ZNF304: variants seen among roughly 807,000 people sequenced by gnomAD.
ZNF304 encodes the protein zinc finger protein 304, also known as KRAB-containing zinc finger protein.
In ZNF304, 7 loss-of-function variants were observed where a neutral mutation model predicts 7.8. The observed-to-expected ratio is 0.90, with a 90% CI of 0.51 to 1.69. ZNF304 has a LOEUF of 1.69. ZNF304 is among the 40% of genes most tolerant of loss of function. The pLI is 0.00. For missense variants in ZNF304, 669 were observed against 804.8 expected (o/e 0.83, Z 2.04); for synonymous variants, 280 against 272.4 (o/e 1.03, Z -0.27).
chr19:57,351,699 T>C lies in ZNF304; in HGVS notation c.33+2T>C. The C allele has an allele frequency of 6.2e-7, 1 of 1,611,556 alleles. No homozygotes were observed. Among genetic ancestry groups the C allele is most frequent in the Non-Finnish European group, 8.5e-7 (1 of 1,178,776 alleles). On this transcript the variant is annotated splice_donor_variant, in intron 1 of 2. Coordinates refer to ENST00000282286, the MANE Select transcript of ZNF304 (RefSeq NM_020657.4). LOFTEE classifies it high-confidence loss of function. This position sits in a 1 kb window ranked among gnomAD's most constrained non-coding sequence, Gnocchi z 4.1. ...GCGGTGCTGATGGACCGGGTTCAGG[T>C]GAGTGGGGGCATCCCTCAAGCGCAC...
rs969323921 is a variant in ZNF304 at position 57,358,070 on chromosome 19, C to T, written c.*221C>T. On this transcript the variant is annotated 3_prime_UTR_variant, in exon 3 of 3. Transcript: ENST00000282286. ...TCATGAGGTGTGTTGCACTTTGTAA[C>T]TGTCTAGAGCTCTTGATGGAATTAT... is the stretch of plus-strand genomic sequence containing the variant. The T allele has an allele frequency of 3.0e-5, 16 of 532,470 alleles. No homozygotes were observed. The highest frequency in any genetic ancestry group is 5.2e-5 in the Non-Finnish European group (16 of 309,038). 33.0% of individuals were successfully genotyped at this position (532,470 alleles called of 1,614,324 possible).
intron 2 of ZNF304, chr19:57,355,240 G>T: frequency 2.6e-6 from 2 of 764,178 alleles, no homozygotes; most frequent in East Asian, 2.4e-5. Flanking sequence ...GTCTACCTGC[G>T]CCACTCACCT....
At position 57,358,113 on chromosome 19, in the gene ZNF304, T is replaced by C. The variant is rs1327215673; in HGVS notation, c.*264T>C. ...GGAATTATATCACTGCCAGTGCCTGTGGCGGAAGCCATCTTATTGCTACCA... is the reference window on the plus strand; with the variant it reads ...GGAATTATATCACTGCCAGTGCCTGCGGCGGAAGCCATCTTATTGCTACCA... On this transcript the variant is annotated 3_prime_UTR_variant, in exon 3 of 3. Transcript: ENST00000282286. 3.6e-5 allele frequency: 15 copies of C among 415,852 alleles called. No homozygotes were observed. In the East Asian group the frequency reaches 5.5e-4, roughly 15 times the overall value. The allele number at this position is 415,852 out of a possible 1,614,324, so 25.8% of individuals were successfully genotyped here. A position where few individuals can be genotyped will look rare whatever the true frequency, so the allele number is the denominator to read the frequency against.
At chr19:57,352,748 G>A (rs890443888) in intron 1 of ZNF304, 5 of 152,380 alleles carry the variant, frequency 3.3e-5, no homozygotes, top group African/African-American at 1.2e-4. Flanking sequence ...GAGAGAAGTT[G>A]GTAAATTTTC....
rs971734562 is a variant in ZNF304, at chr19:57,357,972, C to G, written c.*123C>G. 7.2e-6 allele frequency: 9 copies of G among 1,244,948 alleles called. No individual in the cohort carries two copies. Among genetic ancestry groups the G allele is most frequent in the Non-Finnish European group, 8.9e-6 (8 of 901,054 alleles). 77.1% of individuals were successfully genotyped at this position (1,244,948 alleles called of 1,614,324 possible). On this transcript the variant is annotated 3_prime_UTR_variant, in exon 3 of 3. Transcript: ENST00000282286. The stretch of plus-strand genomic sequence containing the variant: ...GTACCCTTTGTGAGGGAACCATCAG[C>G]TAGCAGATGAGCACCGTATATTCAT...
chr19:57,357,511 T>C lies in ZNF304; in HGVS notation c.1642T>C (p.Leu548=), dbSNP rs34411126. 224,236 of 1,604,942 alleles carry C rather than the reference T, an allele frequency of 0.14. 16,164 individuals are homozygous for C. The highest frequency in any genetic ancestry group is 0.21 in the African/African-American group (14,933 of 72,396). The change falls in exon 3 of 3, where the codon TTG becomes CTG. Residue 548 remains leucine, a synonymous_variant. Transcript: ENST00000282286. ...KCFSHNSSLI[L]HQRVHTGARP... is the part of the protein sequence containing the mutation. The stretch of plus-strand genomic sequence containing the variant: ...CTTTAGCCACAACTCCAGCCTCATT[T>C]TGCACCAGAGAGTTCACACAGGAGC...
In ZNF304 at chr19:57,359,316, A is replaced by T. The variant is rs1389181107; in HGVS notation, c.*1467A>T. 9 of 152,220 alleles carry T rather than the reference A, an allele frequency of 5.9e-5. No individual in the cohort carries two copies. In the East Asian group the frequency reaches 1.7e-3, roughly 29 times the overall value. The allele number at this position is 152,220 out of a possible 1,614,324, so 9.4% of individuals were successfully genotyped here. On this transcript the variant is annotated 3_prime_UTR_variant, in exon 3 of 3. Transcript: ENST00000282286. ...TCATTGCTTACCAATTTTTACCAAC[A>T]TTGAGGCAGGGCTCACTCTCCTAAA...
At chr19:57,352,396 C>T (rs561984127) in intron 1 of ZNF304, among the ~76,000 whole-genome samples, 20 of 152,282 alleles carry the variant, frequency 1.3e-4, no homozygotes, top group Admixed American at 6.5e-4. Context: ...AAGTCCCCAC[C>T]TGGCGACCAA....
intron 2 of ZNF304, chr19:57,355,393 G>C (rs2088322261): frequency 1.3e-6 from 1 of 764,280 alleles, no homozygotes; most frequent in Non-Finnish European, 2.4e-6. Context: ...TGGCCCTGCT[G>C]AATGGGAGCT....
intron 2 of ZNF304, among the ~76,000 whole-genome samples, chr19:57,355,618 C>T (rs1266459525): frequency 6.6e-6 from 1 of 152,204 alleles, no homozygotes; most frequent in Non-Finnish European, 1.5e-5. Context: ...CTCTCTTCAA[C>T]ACTAGCTTAC....
chr19:57,354,075 C>T (rs1183333549), intron 2 of ZNF304, among the ~76,000 whole-genome samples: 5 of 151,884 alleles, frequency 3.3e-5, no homozygotes, highest in Non-Finnish European at 5.9e-5. Flanking sequence ...GTGTTGTGAT[C>T]ATGGTTCACT....
Position 57,357,911 on chromosome 19 carries a change from T to G in ZNF304, c.*62T>G. 4 of 1,533,580 alleles carry G rather than the reference T, an allele frequency of 2.6e-6. No homozygotes were observed. The highest frequency in any genetic ancestry group is 3.5e-6 in the Non-Finnish European group (4 of 1,144,884). The allele number at this position is 1,533,580 out of a possible 1,614,324, so 95.0% of individuals were successfully genotyped here. Reference sequence around the variant, plus strand: ...TGCAGAAAATATGTCATCTTGTTCATCCTCATAGGACTCACACCAGAGCAA... The same window carrying G: ...TGCAGAAAATATGTCATCTTGTTCAGCCTCATAGGACTCACACCAGAGCAA... On this transcript the variant is annotated 3_prime_UTR_variant, in exon 3 of 3. Transcript: ENST00000282286.
At position 57,351,757 on chromosome 19, in the gene ZNF304, C is replaced by A; in HGVS notation, c.33+60C>A. ...TGGTTGGTGTGTCCTGGGATGTTCG[C>A]TCTCATCGCGCACTTCAGGGTGCTC... On this transcript the variant is annotated intron_variant, in intron 1 of 2. Coordinates refer to ENST00000282286, the MANE Select transcript of ZNF304 (RefSeq NM_020657.4). The surrounding 1 kb of genome is among the most constrained non-coding windows in gnomAD (Gnocchi z 4.1). The A allele has an allele frequency of 6.5e-7, 1 of 1,545,840 alleles. No individual in the cohort carries two copies. The highest frequency in any genetic ancestry group is 8.8e-7 in the Non-Finnish European group (1 of 1,138,962).
At chr19:57,354,342 A>G (rs1196754870) in intron 2 of ZNF304, among the ~76,000 whole-genome samples, 1 of 152,172 alleles carries the variant, frequency 6.6e-6, no homozygotes, top group Non-Finnish European at 1.5e-5. Context: ...TTTGGCTCTC[A>G]TGAAGTTTTA....
Position 57,357,213 on chromosome 19 carries a change from G to A in ZNF304, c.1344G>A (p.Val448=). ...RRVHTGARSY[V]CSKCGKAFGC... ...TCCACACAGGAGCAAGATCCTACGT[G>A]TGCAGCAAATGTGGGAAGGCCTTTG... Residue 448 remains valine, a synonymous_variant, in exon 3 of 3, where the codon GTG becomes GTA. Transcript: ENST00000282286. The A allele has an allele frequency of 6.2e-7, 1 of 1,613,848 alleles. No homozygotes were observed. The highest frequency in any genetic ancestry group is 2.2e-5 in the East Asian group (1 of 44,838).
chr19:57,355,345 A>G (rs1273220997), intron 2 of ZNF304: 1 of 765,378 alleles, frequency 1.3e-6, no homozygotes, highest in African/African-American at 1.7e-5. Context: ...CAGGGCAGAC[A>G]TCACTGCAGC....
In ZNF304 at chr19:57,351,649, T is replaced by G; in HGVS notation, c.-16T>G. On this transcript the variant is annotated 5_prime_UTR_variant, in exon 1 of 3. Transcript: ENST00000282286. The surrounding 1 kb of genome is among the most constrained non-coding windows in gnomAD (Gnocchi z 4.1). ...TCGGCTGAGCCCACAGGGCACAGAC[T>G]GTTCATCCGCTTCTCATGGCAGCGG... 1 of 1,613,436 alleles carries G rather than the reference T, an allele frequency of 6.2e-7. No homozygotes were observed. The highest frequency in any genetic ancestry group is 2.2e-5 in the East Asian group (1 of 44,824).
rs776204954 is a variant in ZNF304, at chr19:57,356,633, C to T, written c.764C>T (p.Pro255Leu). Residue 255 changes from proline to leucine, a missense_variant, in exon 3 of 3, where the codon CCA becomes CTA. Physicochemically the swap from Pro to Leu is moderately conservative, Grantham distance 98. Transcript: ENST00000282286. The stretch of plus-strand genomic sequence containing the variant: ...GAGGTGAGACCCTTCAGATGCCTAC[C>T]ATGTGGAAATGTGTTCAAGGAGAAA... ...HAEVRPFRCLPCGNVFKEKSA... is the reference protein window; with the variant it reads ...HAEVRPFRCLLCGNVFKEKSA... 1 of 1,614,206 alleles carries T rather than the reference C, an allele frequency of 6.2e-7. No individual in the cohort carries two copies. Among genetic ancestry groups the T allele is most frequent in the South Asian group, 1.1e-5 (1 of 91,082 alleles).
Position 57,357,030 on chromosome 19 carries a change from A to C in ZNF304, c.1161A>C (p.Gly387=), listed in dbSNP as rs772594310. The change falls in exon 3 of 3, where the codon GGA becomes GGC. Residue 387 remains glycine (G), a synonymous_variant. Coordinates refer to ENST00000282286, the MANE Select transcript of ZNF304 (RefSeq NM_020657.4). The part of the protein sequence containing the change: ...TLVQHQRFHT[G]ERPYECSECG... The stretch of plus-strand genomic sequence containing the variant: ...TTCAGCACCAGAGATTTCATACTGG[A>C]GAAAGGCCTTATGAGTGCAGTGAAT... 1 of 1,614,236 alleles carries C rather than the reference A, an allele frequency of 6.2e-7. No homozygotes were observed. Among genetic ancestry groups the C allele is most frequent in the Admixed American group, 1.7e-5 (1 of 60,028 alleles).
Sources: allele counts gnomAD v4.1 joint callset (sites outside exome capture counted in the v4.1 genomes callset), GRCh38; gene constraint gnomAD v4.1.1; non-coding constraint Gnocchi (gnomAD v3.1); transcripts MANE v1.5; gene names NCBI Gene and HGNC (gene_info 2026-07-23, HGNC 2026-07-21).